The following DGCR2 variants were observed in gnomAD, a reference collection of about 807,000 sequenced individuals.
DGCR2 encodes integral membrane protein DGCR2/IDD.
A neutral mutation model predicts 51.6 loss-of-function variants in DGCR2; 24 were observed. The observed-to-expected ratio is 0.47, with a 90% confidence interval of 0.34 to 0.65. The LOEUF (loss-of-function observed/expected upper bound fraction) is 0.65, where lower values mean the gene tolerates loss of function less well. Among genes scored for constraint, DGCR2 ranks in the 30% least tolerant of loss-of-function variants. DGCR2 has a pLI of 0.01. For synonymous variants in DGCR2, 340 were observed against 315.4 expected (o/e 1.08, Z -0.82); for missense variants, 765 against 772.1 (o/e 0.99, Z 0.11).
intron 2 of DGCR2, among the ~76,000 whole-genome samples, chr22:19,088,420 A>C (rs1211149321): frequency 6.6e-6 from 1 of 152,212 alleles, no homozygotes; most frequent in African/African-American, 2.4e-5. Flanking sequence ...CAGAAACAGA[A>C]CAAGAGAATT....
At chr22:19,071,098 G>A (rs1165057971) in intron 2 of DGCR2, among the ~76,000 whole-genome samples, 2 of 152,236 alleles carry the variant, frequency 1.3e-5, no homozygotes, top group African/African-American at 2.4e-5. Flanking sequence ...CATGGGGCCC[G>A]AGCAGCCCTG....
At chr22:19,109,344 T>C (rs1348043685) in intron 1 of DGCR2, among the ~76,000 whole-genome samples, 1 of 152,224 alleles carries the variant, frequency 6.6e-6, no homozygotes, top group Non-Finnish European at 1.5e-5. Flanking sequence ...GATATATTCA[T>C]ATACCTATGC....
At chr22:19,042,157 A>G (rs1023830278) in intron 7 of DGCR2, among the ~76,000 whole-genome samples, 198 bp from the exon 8 acceptor site, 3 of 152,194 alleles carry the variant, frequency 2.0e-5, no homozygotes, top group Non-Finnish European at 4.4e-5. Flanking sequence ...GAAGCAGAAG[A>G]GCGAATCCCA....
At chr22:19,119,372 G>A (rs1296530737) in intron 1 of DGCR2, among the ~76,000 whole-genome samples, 1 of 152,162 alleles carries the variant, frequency 6.6e-6, no homozygotes, top group Non-Finnish European at 1.5e-5. Flanking sequence ...CCTCTTGAGA[G>A]TTAACATATG....
rs768856079 is a variant in DGCR2, at chr22:19,060,749, T to G, written c.625+2453A>C. On this transcript the variant is annotated intron_variant, in intron 5 of 9. Coordinates refer to ENST00000263196, the MANE Select transcript of DGCR2 (RefSeq NM_005137.3). The stretch of plus-strand genomic sequence containing the variant: ...GCAGTTCTGTCTCCAGGGCACATCA[T>G]GACCTGGTGCTGTCAAACCTGCAGG... 1.3e-5 allele frequency: 5 copies of G among 388,336 alleles called. No individual in the cohort carries two copies. In the East Asian group the frequency reaches 1.9e-4, roughly 15 times the overall value. 24.1% of individuals were successfully genotyped at this position (388,336 alleles called of 1,614,324 possible). A position where few individuals can be genotyped will look rare whatever the true frequency, so the allele number is the denominator to read the frequency against.
intron 6 of DGCR2, among the ~76,000 whole-genome samples, chr22:19,055,541 A>G (rs1420639759): frequency 6.6e-6 from 1 of 151,922 alleles, no homozygotes; most frequent in African/African-American, 2.4e-5. Context: ...CCACATCTCT[A>G]ATAAATGTAA....
chr22:19,038,724 T>G lies in DGCR2; in HGVS notation c.*141A>C, dbSNP rs1053191871. On this transcript the variant is annotated 3_prime_UTR_variant, in exon 10 of 10. Coordinates refer to ENST00000263196, the MANE Select transcript of DGCR2 (RefSeq NM_005137.3). ...GGCAGAAGGCGGGCTGTGGTCTCTA[T>G]GTACACACGCGAGCCCGCCAGTGAC... The G allele has an allele frequency of 8.5e-7, 1 of 1,177,670 alleles. No homozygotes were observed. Among genetic ancestry groups the G allele is most frequent in the Non-Finnish European group, 1.2e-6 (1 of 835,632 alleles). 73.0% of individuals were successfully genotyped at this position (1,177,670 alleles called of 1,614,324 possible).
intron 1 of DGCR2, among the ~76,000 whole-genome samples, chr22:19,101,112 A>G (rs1360652752): frequency 6.6e-6 from 1 of 152,128 alleles, no homozygotes; most frequent in African/African-American, 2.4e-5. Context: ...CCCTGTCTCA[A>G]AAAAAACACT....
At chr22:19,121,035 T>G (rs807753) in intron 1 of DGCR2, among the ~76,000 whole-genome samples, 4 of 151,944 alleles carry the variant, frequency 2.6e-5, no homozygotes, top group African/African-American at 9.7e-5. Flanking sequence ...ACATTCCACA[T>G]AGATGACACA....
intron 2 of DGCR2, among the ~76,000 whole-genome samples, chr22:19,073,120 T>A (rs917569583): frequency 6.6e-6 from 1 of 152,058 alleles, no homozygotes; most frequent in Non-Finnish European, 1.5e-5. Context: ...AATAATTAGC[T>A]GGGCATAGTG....
chr22:19,095,675 AAAC>A (rs1341755798), intron 1 of DGCR2, among the ~76,000 whole-genome samples: 4 of 151,964 alleles, frequency 2.6e-5, no homozygotes, highest in Non-Finnish European at 5.9e-5. Flanking sequence ...AAAAAAAAAA[AAAC>A]AACTCAAATT....
At chr22:19,111,855 TA>T (rs68115869) in intron 1 of DGCR2, among the ~76,000 whole-genome samples, 41,380 of 143,958 alleles carry the variant, frequency 0.29, 6,058 homozygotes, top group African/African-American at 0.4. Flanking sequence ...ATTTTTTATT[TA>T]TTTATTTTTT....
At chr22:19,116,048 G>A (rs138765670) in intron 1 of DGCR2, among the ~76,000 whole-genome samples, 149 of 152,294 alleles carry the variant, frequency 9.8e-4, no homozygotes, top group African/African-American at 3.4e-3. Context: ...GCTCTGTTAC[G>A]ATGTCCATGT....
chr22:19,106,498 C>T (rs1362065501), intron 1 of DGCR2, among the ~76,000 whole-genome samples: 1 of 152,158 alleles, frequency 6.6e-6, no homozygotes, highest in Non-Finnish European at 1.5e-5. Context: ...ACAGCACCAA[C>T]GATGCCAGCA....
chr22:19,117,770 CTT>C (rs1017341676), intron 1 of DGCR2, among the ~76,000 whole-genome samples: 10 of 152,056 alleles, frequency 6.6e-5, no homozygotes, highest in African/African-American at 2.2e-4. Context: ...TAAAAGTTTT[CTT>C]TTTGTCAAGA....
chr22:19,110,056 G>A (rs1241313274), intron 1 of DGCR2, among the ~76,000 whole-genome samples: 1 of 152,228 alleles, frequency 6.6e-6, no homozygotes, highest in Non-Finnish European at 1.5e-5. Context: ...AAAAGCACAT[G>A]TCCTATCATA....
At position 19,085,603 on chromosome 22, in the gene DGCR2, C is replaced by A. The variant is rs558809342; in HGVS notation, c.202+3765G>T. On this transcript the variant is annotated intron_variant, in intron 2 of 9. Coordinates refer to ENST00000263196, the MANE Select transcript of DGCR2 (RefSeq NM_005137.3). The stretch of plus-strand genomic sequence containing the variant: ...CCAGCCTCTGAAACCCACGGACAAG[C>A]CCAGAAGGGAGTGAGTGGGAAGGTA... Among the ~76,000 whole-genome samples, 3 of 152,342 alleles carry A rather than the reference C, an allele frequency of 2.0e-5. 1 individual carries two copies. The South Asian group carries it at 6.2e-4, about 32-fold the overall frequency.
At chr22:19,095,110 C>A (rs2083124145) in intron 1 of DGCR2, among the ~76,000 whole-genome samples, 1 of 152,206 alleles carries the variant, frequency 6.6e-6, no homozygotes, top group South Asian at 2.1e-4. Flanking sequence ...CGCCTATAAT[C>A]CCAGCACTTT....
chr22:19,120,545 G>A (rs1264925680), intron 1 of DGCR2, among the ~76,000 whole-genome samples: 4 of 152,196 alleles, frequency 2.6e-5, no homozygotes, highest in Non-Finnish European at 2.9e-5. Flanking sequence ...CAGTTGGCAG[G>A]CTATGTGAAA....
Sources: allele counts gnomAD v4.1 joint callset (sites outside exome capture counted in the v4.1 genomes callset), GRCh38; gene constraint gnomAD v4.1.1; transcripts MANE v1.5; gene names NCBI Gene and HGNC (gene_info 2026-07-23, HGNC 2026-07-21).